Variants in HS6ST3 observed in about 807,000 individuals in gnomAD.
HS6ST3 encodes heparan sulfate 6-O-sulfotransferase 3.
Under a neutral mutation model 36.7 loss-of-function variants are expected in HS6ST3, and 12 were observed. That is an observed-to-expected ratio of 0.33 (90% CI 0.21 to 0.53). HS6ST3 has a LOEUF of 0.53. HS6ST3 is among the 20% of genes least tolerant of loss of function. The pLI is 0.95. For missense variants in HS6ST3, 584 were observed against 640.9 expected, an observed-to-expected ratio of 0.91 and a Z score of 0.96; for synonymous variants, 240 against 257.5, an observed-to-expected ratio of 0.93 and a Z score of 0.65.
chr13:96,504,751 G>A (rs573201296), intron 1 of HS6ST3, among the ~76,000 whole-genome samples: 12 of 152,022 alleles, frequency 7.9e-5, no homozygotes, highest in African/African-American at 2.4e-4. Flanking sequence ...AATAAGTCTC[G>A]TTATATTATG....
chr13:96,490,077 A>G (rs2055937141), intron 1 of HS6ST3, among the ~76,000 whole-genome samples: 1 of 152,182 alleles, frequency 6.6e-6, no homozygotes, highest in African/African-American at 2.4e-5. Context: ...ATGGGGACAA[A>G]TACATTAAAT....
chr13:96,197,685 G>A (rs1310589072), intron 1 of HS6ST3, among the ~76,000 whole-genome samples: 1 of 152,196 alleles, frequency 6.6e-6, no homozygotes, highest in African/African-American at 2.4e-5. Context: ...GGTAAATACA[G>A]CCTTCCAAAT....
At position 96,839,075 on chromosome 13, in the gene HS6ST3, C is replaced by G. The variant is rs1356118745; in HGVS notation, c.*5877C>G. The G allele has an allele frequency of 6.6e-6, 1 of 152,198 alleles. No individual in the cohort carries two copies. The highest frequency in any genetic ancestry group is 1.5e-5 in the Non-Finnish European group (1 of 68,028). 9.4% of individuals were successfully genotyped at this position (152,198 alleles called of 1,614,324 possible). A position where few individuals can be genotyped will look rare whatever the true frequency, so the allele number is the denominator to read the frequency against. ...CATGTTCTGCTGCATTATGGGAACT[C>G]ATCAAAGGGCCAGATTGACATCTTG... On this transcript the variant is annotated 3_prime_UTR_variant, in exon 2 of 2. Coordinates refer to ENST00000376705, the MANE Select transcript of HS6ST3 (RefSeq NM_153456.4).
intron 1 of HS6ST3, among the ~76,000 whole-genome samples, chr13:96,357,468 T>C (rs1362312118): frequency 6.6e-6 from 1 of 152,174 alleles, no homozygotes; most frequent in African/African-American, 2.4e-5. Context: ...AATTTCAATA[T>C]TGTTGTGTCT....
intron 1 of HS6ST3, among the ~76,000 whole-genome samples, chr13:96,367,291 A>G (rs992812124): frequency 6.6e-6 from 1 of 152,244 alleles, no homozygotes; most frequent in Admixed American, 6.5e-5. Flanking sequence ...TTTCTAGGCA[A>G]TGGTGACATT....
intron 1 of HS6ST3, among the ~76,000 whole-genome samples, chr13:96,153,136 A>G (rs758361384): frequency 3.3e-5 from 5 of 152,032 alleles, no homozygotes; most frequent in Admixed American, 6.6e-5. Context: ...ACACACACCT[A>G]CATCTCCAAC....
chr13:96,317,386 ATATATAT>A, intron 1 of HS6ST3, among the ~76,000 whole-genome samples: 1 of 140,218 alleles, frequency 7.1e-6, no homozygotes, highest in Non-Finnish European at 1.5e-5. Flanking sequence ...ATATATATAT[ATATATAT>A]ATCATGGAAT....
At chr13:96,385,303 A>G (rs2055362203) in intron 1 of HS6ST3, among the ~76,000 whole-genome samples, 2 of 152,212 alleles carry the variant, frequency 1.3e-5, no homozygotes, top group Admixed American at 6.5e-5. Flanking sequence ...CTGCCTTTTA[A>G]AAAGTAAAGC....
At chr13:96,284,905 T>C (rs1003912409) in intron 1 of HS6ST3, among the ~76,000 whole-genome samples, 3 of 135,758 alleles carry the variant, frequency 2.2e-5, no homozygotes, top group Admixed American at 7.4e-5. Context: ...ATTGAATGCA[T>C]ATTTGCTTTC....
chr13:96,519,781 C>T (rs1285320676), intron 1 of HS6ST3, among the ~76,000 whole-genome samples: 1 of 152,196 alleles, frequency 6.6e-6, no homozygotes, highest in Non-Finnish European at 1.5e-5. Context: ...AATGATACCA[C>T]TTATCCCATA....
intron 1 of HS6ST3, among the ~76,000 whole-genome samples, chr13:96,716,478 A>G (rs1297793398): frequency 1.3e-5 from 2 of 152,166 alleles, no homozygotes; most frequent in African/African-American, 2.4e-5. Context: ...TTTGATCTAG[A>G]CTCACCATCA....
chr13:96,744,340 C>T (rs1876513017), intron 1 of HS6ST3, among the ~76,000 whole-genome samples: 1 of 151,964 alleles, frequency 6.6e-6, no homozygotes, highest in Non-Finnish European at 1.5e-5. Flanking sequence ...TTTTACAACA[C>T]TGCAGGTAAA....
At chr13:96,660,732 A>C (rs1033032230) in intron 1 of HS6ST3, among the ~76,000 whole-genome samples, 25 of 152,176 alleles carry the variant, frequency 1.6e-4, no homozygotes, top group African/African-American at 5.8e-4. Flanking sequence ...ATGATGGTTA[A>C]TATTAAGTGG....
chr13:96,810,735 G>T (rs1220661876), intron 1 of HS6ST3, among the ~76,000 whole-genome samples: 2 of 152,264 alleles, frequency 1.3e-5, no homozygotes, highest in Middle Eastern at 3.4e-3. Flanking sequence ...TGAGTGTGGG[G>T]TCTTTGCTGC....
intron 1 of HS6ST3, among the ~76,000 whole-genome samples, chr13:96,741,836 C>A (rs1265353883): frequency 6.6e-6 from 1 of 152,154 alleles, no homozygotes; most frequent in Admixed American, 6.6e-5. Context: ...CTTCACAAAA[C>A]TCTGCTCATT....
chr13:96,317,284 A>C (rs2054975139), intron 1 of HS6ST3, among the ~76,000 whole-genome samples: 1 of 147,268 alleles, frequency 6.8e-6, no homozygotes, highest in Non-Finnish European at 1.5e-5. Context: ...TGTTGCAGCA[A>C]AGGACATGAC....
At chr13:96,783,722 A>G (rs577221396) in intron 1 of HS6ST3, among the ~76,000 whole-genome samples, 1 of 152,190 alleles carries the variant, frequency 6.6e-6, no homozygotes, top group Admixed American at 6.5e-5. Flanking sequence ...GGGCTGAGCA[A>G]TGCAATTTTC....
chr13:96,804,600 CA>C (rs1427109556), intron 1 of HS6ST3, among the ~76,000 whole-genome samples: 2 of 152,120 alleles, frequency 1.3e-5, no homozygotes, highest in East Asian at 3.9e-4. Flanking sequence ...AGGTTACCTA[CA>C]AAACCTGCAA....
chr13:96,161,406 A>G (rs567181539), intron 1 of HS6ST3, among the ~76,000 whole-genome samples: 1 of 152,314 alleles, frequency 6.6e-6, no homozygotes, highest in South Asian at 2.1e-4. Context: ...GTGAAATTGC[A>G]TAGATTCTTT....
Sources: gnomAD v4.1 joint callset for allele counts (sites outside exome capture counted in the v4.1 genomes callset) on GRCh38, gnomAD v4.1.1 for gene constraint, MANE v1.5 for transcripts, NCBI Gene and HGNC (gene_info 2026-07-23, HGNC 2026-07-21) for gene names.